Variants in EYA1 observed in about 807,000 individuals in gnomAD.
EYA1 encodes the protein protein phosphatase EYA1.
A neutral mutation model predicts 82.0 loss-of-function variants in EYA1; 16 were observed. The ratio of observed to expected loss-of-function variants is 0.20; its 90% CI spans 0.13 to 0.30. The LOEUF (loss-of-function observed/expected upper bound fraction) is 0.30, where lower values mean the gene tolerates loss of function less well. EYA1 is among the 10% of genes least tolerant of loss of function. The pLI is 1.00. For synonymous variants in EYA1, 261 were observed against 264.4 expected (o/e 0.99, Z 0.12); for missense variants, 633 against 730.7 (o/e 0.87, Z 1.54).
chr8:71,523,042 C>T (rs1813520619), intron 2 of EYA1, among the ~76,000 whole-genome samples: 1 of 152,068 alleles, frequency 6.6e-6, no homozygotes, highest in African/African-American at 2.4e-5. Context: ...TGTTTTTCTC[C>T]CTTTACAAGT....
intron 4 of EYA1, among the ~76,000 whole-genome samples, chr8:71,329,052 CAG>C (rs1382691041): frequency 1.3e-5 from 2 of 152,182 alleles, no homozygotes; most frequent in Non-Finnish European, 2.9e-5. Context: ...AGCAGGAAGA[CAG>C]AGACCGAGGA....
intron 2 of EYA1, among the ~76,000 whole-genome samples, chr8:71,395,925 C>G (rs967253744): frequency 6.6e-6 from 1 of 152,120 alleles, no homozygotes; most frequent in South Asian, 2.1e-4. Flanking sequence ...TGATCCTGGA[C>G]TTTTTTTGGT....
At chr8:71,224,532 A>T (rs1486794264) in intron 12 of EYA1, among the ~76,000 whole-genome samples, 1 of 152,210 alleles carries the variant, frequency 6.6e-6, no homozygotes, top group African/African-American at 2.4e-5. Context: ...TACTTGCCTG[A>T]TATTTGACAT....
At chr8:71,358,677 G>C (rs1827118663) in intron 1 of EYA1, among the ~76,000 whole-genome samples, 1 of 152,118 alleles carries the variant, frequency 6.6e-6, no homozygotes, top group Admixed American at 6.5e-5. Context: ...TTTTTTATGT[G>C]TAGTACAAGA....
chr8:71,355,084 T>C (rs756775464), intron 2 of EYA1, among the ~76,000 whole-genome samples, 175 bp from the exon 3 acceptor site: 100 of 152,324 alleles, frequency 6.6e-4, no homozygotes, highest in African/African-American at 2.3e-3. Context: ...CTTCATCATA[T>C]GCACTATCAA....
At chr8:71,346,454 A>ATC (rs1491506083) in intron 3 of EYA1, among the ~76,000 whole-genome samples, 1 of 134,224 alleles carries the variant, frequency 7.5e-6, no homozygotes, top group African/African-American at 3.1e-5. Context: ...ATATATATAT[A>ATC]TCTATATATA....
At chr8:71,422,583 TACCCAAG>T (rs1279991496) in intron 2 of EYA1, among the ~76,000 whole-genome samples, 1 of 152,140 alleles carries the variant, frequency 6.6e-6, no homozygotes, top group Non-Finnish European at 1.5e-5. Context: ...AATAAAGACA[TACCCAAG>T]ACTGGGTAAT....
intron 11 of EYA1, among the ~76,000 whole-genome samples, chr8:71,269,230 C>T (rs568001504): frequency 2.8e-4 from 43 of 152,246 alleles, no homozygotes; most frequent in Non-Finnish European, 5.6e-4. Flanking sequence ...GGTCCCACTG[C>T]CTTTCAGAGG....
intron 12 of EYA1, chr8:71,225,175 T>C (rs1425013473): frequency 2.2e-6 from 1 of 455,484 alleles, no homozygotes; most frequent in East Asian, 6.9e-5. Flanking sequence ...CATGATTCCA[T>C]TGTGCTTTCT....
intron 7 of EYA1, among the ~76,000 whole-genome samples, chr8:71,309,778 A>C (rs927741903): frequency 3.3e-5 from 5 of 152,222 alleles, no homozygotes; most frequent in African/African-American, 7.2e-5. Context: ...GCAGGGATGC[A>C]TGAGGTGTGA....
intron 12 of EYA1, among the ~76,000 whole-genome samples, chr8:71,218,831 G>C (rs534704730): frequency 6.6e-6 from 1 of 151,924 alleles, no homozygotes; most frequent in Non-Finnish European, 1.5e-5. Flanking sequence ...GTTGGGGGTG[G>C]GGGGAGAGGG....
intron 9 of EYA1, among the ~76,000 whole-genome samples, chr8:71,298,013 AG>A (rs1356681498): frequency 2.6e-5 from 4 of 152,228 alleles, no homozygotes; most frequent in African/African-American, 4.8e-5. Context: ...TATTTTTAAA[AG>A]GAAAAAAACG....
chr8:71,391,137 C>T (rs540626574), intron 2 of EYA1, among the ~76,000 whole-genome samples: 8 of 152,156 alleles, frequency 5.3e-5, no homozygotes, highest in African/African-American at 1.9e-4. Context: ...CCACACACAA[C>T]TAATTTTTAT....
Position 71,334,193 on chromosome 8 carries a change from T to C in EYA1, c.125-19A>G. The C allele has an allele frequency of 1.9e-6, 3 of 1,543,630 alleles. No individual in the cohort carries two copies. The highest frequency in any genetic ancestry group is 2.7e-6 in the Non-Finnish European group (3 of 1,115,842). On this transcript the variant is annotated intron_variant, in intron 3 of 17. Coordinates refer to ENST00000340726, the MANE Select transcript of EYA1 (RefSeq NM_000503.6). The stretch of plus-strand genomic sequence containing the variant: ...GTTTTAACTACAAAAATAAACAACA[T>C]ACATCGATATTGAATTAATAGTTAT...
chr8:71,231,293 C>T (rs935666970), intron 12 of EYA1, among the ~76,000 whole-genome samples: 2 of 152,174 alleles, frequency 1.3e-5, no homozygotes, highest in Non-Finnish European at 2.9e-5. Flanking sequence ...TACTGGTTAC[C>T]CTCGGCATCC....
At chr8:71,391,007 T>C (rs1404758654) in intron 2 of EYA1, among the ~76,000 whole-genome samples, 1 of 152,192 alleles carries the variant, frequency 6.6e-6, no homozygotes, top group Non-Finnish European at 1.5e-5. Context: ...AGGGTCTCGC[T>C]CTGTCATCCA....
At chr8:71,349,896 C>G (rs956158908) in intron 3 of EYA1, among the ~76,000 whole-genome samples, 2 of 152,074 alleles carry the variant, frequency 1.3e-5, no homozygotes, top group Non-Finnish European at 2.9e-5. Flanking sequence ...TAAGTATTAG[C>G]CAGCATTATT....
intron 2 of EYA1, among the ~76,000 whole-genome samples, chr8:71,494,959 C>T (rs76262952): frequency 0.026 from 3,970 of 151,992 alleles, 163 homozygotes; most frequent in African/African-American, 0.089. Flanking sequence ...TATTTACAAA[C>T]ATAGCAATAG....
chr8:71,206,732 G>A (rs895390184), intron 17 of EYA1, among the ~76,000 whole-genome samples: 1 of 152,062 alleles, frequency 6.6e-6, no homozygotes, highest in Non-Finnish European at 1.5e-5. Context: ...GAGGGACTGG[G>A]ATATAATAAG....
Sources: gnomAD v4.1 joint callset for allele counts (sites outside exome capture counted in the v4.1 genomes callset) on GRCh38, gnomAD v4.1.1 for gene constraint, MANE v1.5 for transcripts, NCBI Gene and HGNC (gene_info 2026-07-23, HGNC 2026-07-21) for gene names.